The following RPS8 variants were observed in gnomAD, a reference collection of about 807,000 sequenced individuals.
RPS8 encodes ribosomal protein S8.
For synonymous variants in RPS8, 100 were observed against 100.7 expected (o/e 0.99, Z 0.04); for missense variants, 141 against 269.7 (o/e 0.52, Z 3.34).
Position 44,778,141 on chromosome 1 carries a change from G to A in RPS8, c.517+12G>A. Reference sequence around the variant, plus strand: ...GGGCAAGCTTCTTGGTGAGAAGGCTGTTGTGTTGGAGGTGGGGAGTCGCAG... The same window carrying A: ...GGGCAAGCTTCTTGGTGAGAAGGCTATTGTGTTGGAGGTGGGGAGTCGCAG... On this transcript the variant is annotated intron_variant, in intron 5 of 5. Coordinates refer to ENST00000396651, the MANE Select transcript of RPS8 (RefSeq NM_001012.2). 1 of 1,590,812 alleles carries A rather than the reference G, an allele frequency of 6.3e-7. No individual in the cohort carries two copies. Among genetic ancestry groups the A allele is most frequent in the Non-Finnish European group, 8.6e-7 (1 of 1,168,486 alleles).
chr1:44,775,618 T>A lies in RPS8; in HGVS notation c.4+18T>A. On this transcript the variant is annotated intron_variant, in intron 1 of 5. Transcript: ENST00000396651. ...AGCGATGGGTGAGTGTCGCTCTGCA[T>A]TGAGGCGGGTGAAGGGAGGTTGAGC... 6.2e-7 allele frequency: 1 copy of A among 1,614,094 alleles called. No individual in the cohort carries two copies. Among genetic ancestry groups the A allele is most frequent in the Non-Finnish European group, 8.5e-7 (1 of 1,179,956 alleles).
intron 5 of RPS8, 36 bp from the exon 6 acceptor site, chr1:44,778,540 T>A: frequency 6.4e-7 from 1 of 1,560,026 alleles, no homozygotes; most frequent in Non-Finnish European, 8.8e-7. Flanking sequence ...TAGGGCCACC[T>A]TGTCGTTGTG....
At chr1:44,778,441 A>G (rs1214617170) in intron 5 of RPS8, 135 bp from the exon 6 acceptor site, 6 of 828,008 alleles carry the variant, frequency 7.2e-6, no homozygotes, top group East Asian at 2.4e-5. Flanking sequence ...AAGTGAAGAT[A>G]AAGTGTGTCT....
intron 2 of RPS8, 193 bp from the exon 3 acceptor site, chr1:44,776,482 T>C (rs1177057489): frequency 3.9e-6 from 3 of 764,588 alleles, no homozygotes; most frequent in Non-Finnish European, 4.8e-6. Flanking sequence ...GGCTTTCCTC[T>C]TGGAGGCAAG....
At chr1:44,775,742 G>A (rs1391309614) in intron 1 of RPS8, 142 bp downstream of exon 1, 1 of 1,174,790 alleles carries the variant, frequency 8.5e-7, no homozygotes, top group East Asian at 2.3e-5. Flanking sequence ...CTCGGGTTTC[G>A]GCCGCCCAGC....
chr1:44,775,801 G>A, intron 1 of RPS8: 1 of 828,406 alleles, frequency 1.2e-6, no homozygotes, highest in Non-Finnish European at 2.0e-6. Context: ...CCGGGCCGCG[G>A]GCTGCGGGCT....
At chr1:44,778,166 G>T in intron 5 of RPS8, 37 bp downstream of exon 5, 1 of 1,587,730 alleles carries the variant, frequency 6.3e-7, no homozygotes, top group South Asian at 1.1e-5. Context: ...GGGAGTCGCA[G>T]AGATTGAGTG....
chr1:44,777,822 AG>A, intron 4 of RPS8, 33 bp downstream of exon 4: 2 of 1,610,828 alleles, frequency 1.2e-6, no homozygotes, highest in Non-Finnish European at 1.7e-6. Context: ...GGTTGTGGGG[AG>A]GGCAGCCTGA....
chr1:44,776,009 C>A, intron 1 of RPS8, 25 bp from the exon 2 acceptor site: 1 of 1,609,196 alleles, frequency 6.2e-7, no homozygotes, highest in South Asian at 1.1e-5. Flanking sequence ...GTGGCTCAAG[C>A]TTCCTTCCCC....
intron 1 of RPS8, 102 bp downstream of exon 1, chr1:44,775,702 G>A (rs3806398): frequency 0.19 from 278,908 of 1,474,914 alleles, 27,151 homozygotes; most frequent in Non-Finnish European, 0.2. Context: ...CCCGACCCCC[G>A]GCCAGGGACA....
At chr1:44,776,641 G>A in intron 2 of RPS8, 34 bp from the exon 3 acceptor site, 1 of 1,587,122 alleles carries the variant, frequency 6.3e-7, no homozygotes, top group Non-Finnish European at 8.7e-7. Context: ...TGCTCTCCTT[G>A]GTAACCTAGT....
rs555392113 is a variant in RPS8, at chr1:44,777,512, C to T, written c.212-102C>T. ...ATGGCTTGTAAAGGCTGAGAGTTCC[C>T]TTATTTCTCCTTAAGGCCTCATGGG... On this transcript the variant is annotated intron_variant, in intron 3 of 5. Coordinates refer to ENST00000396651, the MANE Select transcript of RPS8 (RefSeq NM_001012.2). The T allele has an allele frequency of 7.9e-4, 726 of 914,266 alleles. 1 individual carries two copies. The highest frequency in any genetic ancestry group is 3.6e-3 in the Middle Eastern group (16 of 4,460). 56.6% of individuals were successfully genotyped at this position (914,266 alleles called of 1,614,324 possible). A position where few individuals can be genotyped will look rare whatever the true frequency, so the allele number is the denominator to read the frequency against.
intron 2 of RPS8, 167 bp from the exon 3 acceptor site, chr1:44,776,508 G>T (rs1163133299): frequency 1.2e-5 from 9 of 771,348 alleles, no homozygotes; most frequent in Non-Finnish European, 1.4e-5. Flanking sequence ...TGATGAAAAA[G>T]AATCCTTAGG....
intron 5 of RPS8, 147 bp from the exon 6 acceptor site, chr1:44,778,429 G>A (rs970152867): frequency 1.2e-6 from 1 of 819,704 alleles, no homozygotes; most frequent in East Asian, 2.4e-5. Flanking sequence ...GCTACTGACA[G>A]TAAGTGAAGA....
At chr1:44,777,313 C>T in intron 3 of RPS8, 1 of 309,088 alleles carries the variant, frequency 3.2e-6, no homozygotes, top group South Asian at 4.5e-5. Context: ...TTAAGTGATC[C>T]ACCCGCCTTG....
Position 44,778,035 on chromosome 1 carries a change from A to G in RPS8, c.423A>G (p.Arg141=). The G allele has an allele frequency of 1.2e-6, 2 of 1,613,836 alleles. No individual in the cohort carries two copies. Among genetic ancestry groups the G allele is most frequent in the Non-Finnish European group, 1.7e-6 (2 of 1,179,814 alleles). ...AAGAAGAGATTTTAAACAAAAAACGATCTAAAAAAATTCAGAAGAAATATG... is the reference window on the plus strand; with the variant it reads ...AAGAAGAGATTTTAAACAAAAAACGGTCTAAAAAAATTCAGAAGAAATATG... ...PEEEEILNKK[R]SKKIQKKYDE... Residue 141 remains arginine, a synonymous_variant, in exon 5 of 6, where the codon CGA becomes CGG. Transcript: ENST00000396651.
chr1:44,775,919 C>G (rs751996588), intron 1 of RPS8, 115 bp from the exon 2 acceptor site: 1 of 1,015,386 alleles, frequency 9.8e-7, no homozygotes, highest in Non-Finnish European at 1.6e-6. Context: ...GGTGGGGAAG[C>G]CAACCTTGGA....
At position 44,775,556 on chromosome 1, in the gene RPS8, C is replaced by A. The variant is rs918851818; in HGVS notation, c.-41C>A. On this transcript the variant is annotated 5_prime_UTR_variant, in exon 1 of 6. Coordinates refer to ENST00000396651, the MANE Select transcript of RPS8 (RefSeq NM_001012.2). ...CGGGGCAGCGTTTTACAAACCGAAC[C>A]GTGAATCTTTGCGGTTTCTCTTTCC... 6.2e-7 allele frequency: 1 copy of A among 1,613,858 alleles called. No homozygotes were observed. Among genetic ancestry groups the A allele is most frequent in the Non-Finnish European group, 8.5e-7 (1 of 1,179,756 alleles).
chr1:44,778,679 C>G lies in RPS8; in HGVS notation c.621C>G (p.Gly207=), dbSNP rs1281569268. The G allele has an allele frequency of 1.2e-6, 2 of 1,601,956 alleles. No individual in the cohort carries two copies. The highest frequency in any genetic ancestry group is 2.7e-5 in the African/African-American group (2 of 74,580). Residue 207 remains glycine (G), a synonymous_variant, in exon 6 of 6, where the codon GGC becomes GGG. Transcript: ENST00000396651. The part of the protein sequence containing the change: ...FYLRKIKARK[G]K The stretch of plus-strand genomic sequence containing the variant: ...TTAGGAAAATCAAGGCCCGCAAAGG[C>G]AAATAAATCCTTGTTTTGTCTTCAC...
Sources: allele counts gnomAD v4.1 joint callset, GRCh38; gene constraint gnomAD v4.1.1; transcripts MANE v1.5; gene names NCBI Gene and HGNC (gene_info 2026-07-23, HGNC 2026-07-21).